Variants in STXBP4 observed in about 807,000 individuals in gnomAD.
The protein encoded by STXBP4 is syntaxin binding protein 4, also known as syntaxin-binding protein 4.
Under a neutral mutation model 76.1 loss-of-function variants are expected in STXBP4, and 55 were observed. The observed-to-expected ratio is 0.72, with a 90% confidence interval of 0.58 to 0.91. STXBP4 has a LOEUF of 0.91. Ranked by LOEUF, STXBP4 falls within the 40% of genes least tolerant of loss-of-function variation. STXBP4 has a pLI of 0.00. For synonymous variants in STXBP4, 201 were observed against 220.2 expected (o/e 0.91, Z 0.77); for missense variants, 618 against 636.9 (o/e 0.97, Z 0.32).
At chr17:55,053,001 G>T (rs1179108218) in intron 12 of STXBP4, among the ~76,000 whole-genome samples, 1 of 116,030 alleles carries the variant, frequency 8.6e-6, no homozygotes, top group East Asian at 2.5e-4. Context: ...AAAAAAAAAG[G>T]TAATAAAAGT....
Position 55,043,336 on chromosome 17 carries a change from A to G in STXBP4, c.945+11A>G. ...GTAAATACACTTAAGGTAACCTCTA[A>G]TTTAGTTTCCTTATGTTTTCTTCAG... is the stretch of plus-strand genomic sequence containing the variant. On this transcript the variant is annotated intron_variant, in intron 11 of 17. Coordinates refer to ENST00000376352, the MANE Select transcript of STXBP4 (RefSeq NM_178509.6). The G allele has an allele frequency of 7.1e-7, 1 of 1,410,208 alleles. No homozygotes were observed. Among genetic ancestry groups the G allele is most frequent in the Non-Finnish European group, 9.5e-7 (1 of 1,053,648 alleles). 87.4% of individuals were successfully genotyped at this position (1,410,208 alleles called of 1,614,324 possible).
chr17:55,042,596 A>G (rs765212946), intron 10 of STXBP4, among the ~76,000 whole-genome samples: 5 of 152,028 alleles, frequency 3.3e-5, no homozygotes, highest in Non-Finnish European at 7.4e-5. Context: ...TGATTAGACT[A>G]TCATTGTTTT....
intron 12 of STXBP4, among the ~76,000 whole-genome samples, chr17:55,061,155 G>GT (rs1796095253): frequency 6.6e-6 from 1 of 152,158 alleles, no homozygotes; most frequent in Non-Finnish European, 1.5e-5. Context: ...CATGAATCAA[G>GT]TAACAGCTAG....
intron 16 of STXBP4, among the ~76,000 whole-genome samples, chr17:55,129,149 C>G (rs1293348386): frequency 6.6e-6 from 1 of 151,210 alleles, no homozygotes; most frequent in African/African-American, 2.4e-5. Context: ...AGGATGGTCT[C>G]GATCTCTTCA....
At chr17:55,194,324 G>T in the STXBP4 span, among the ~76,000 whole-genome samples, 1 of 151,946 alleles carries the variant, frequency 6.6e-6, no homozygotes, top group Non-Finnish European at 1.5e-5. Context: ...AAAATAGTAG[G>T]CATTCTTATT....
At chr17:55,109,914 C>T (rs763847195) in intron 16 of STXBP4, among the ~76,000 whole-genome samples, 23 of 152,134 alleles carry the variant, frequency 1.5e-4, no homozygotes, top group Non-Finnish European at 2.9e-4. Flanking sequence ...GCTGGGATTA[C>T]AGGTGTGAGC....
At chr17:55,074,670 A>C (rs2079159001) in intron 13 of STXBP4, among the ~76,000 whole-genome samples, 1 of 152,150 alleles carries the variant, frequency 6.6e-6, no homozygotes, top group East Asian at 1.9e-4. Flanking sequence ...TCCAGCTCTT[A>C]ACTGAGAAAC....
At chr17:55,064,022 G>T (rs969066800) in intron 12 of STXBP4, among the ~76,000 whole-genome samples, 4 of 152,172 alleles carry the variant, frequency 2.6e-5, no homozygotes, top group Non-Finnish European at 5.9e-5. Flanking sequence ...TTTACTATGT[G>T]AGAAACACTT....
chr17:55,050,980 T>C (rs1207316633), intron 12 of STXBP4, among the ~76,000 whole-genome samples: 2 of 152,142 alleles, frequency 1.3e-5, no homozygotes, highest in Non-Finnish European at 2.9e-5. Context: ...AATGGTATTC[T>C]TAGAGAGGTG....
intron 17 of STXBP4, among the ~76,000 whole-genome samples, chr17:55,154,266 C>A (rs754489662): frequency 2.6e-5 from 4 of 152,168 alleles, no homozygotes; most frequent in Non-Finnish European, 4.4e-5. Flanking sequence ...AACATCAATT[C>A]TGTTACCTTC....
chr17:55,129,207 C>T (rs913180680), intron 16 of STXBP4, among the ~76,000 whole-genome samples: 3 of 152,060 alleles, frequency 2.0e-5, no homozygotes, highest in Non-Finnish European at 2.9e-5. Context: ...GGATTATAGG[C>T]GTGAGCCACC....
chr17:55,109,095 T>C (rs2079676035), intron 16 of STXBP4, among the ~76,000 whole-genome samples: 1 of 152,240 alleles, frequency 6.6e-6, no homozygotes, highest in Admixed American at 6.5e-5. Flanking sequence ...TGTAATTATT[T>C]ATGAATTAGG....
intron 11 of STXBP4, chr17:55,043,531 G>A (rs976192747): frequency 8.2e-6 from 10 of 1,214,332 alleles, no homozygotes; most frequent in Middle Eastern, 1.9e-4. Flanking sequence ...CAATATCTGT[G>A]CAACATTTAG....
At chr17:55,185,275 CCTT>C in the STXBP4 span, among the ~76,000 whole-genome samples, 313 of 48,644 alleles carry the variant, frequency 6.4e-3, 14 homozygotes, top group African/African-American at 0.026. Context: ...TTCTCCTTCT[CCTT>C]CTCCTTCTCC....
chr17:54,981,516 G>C lies in STXBP4; in HGVS notation c.-156-4098G>C, dbSNP rs1053375668. Among the ~76,000 whole-genome samples, 2 of 152,022 alleles carry C rather than the reference G, an allele frequency of 1.3e-5. 1 individual carries two copies. The highest frequency in any genetic ancestry group is 4.1e-4 in the South Asian group (2 of 4,826). On this transcript the variant is annotated intron_variant, in intron 1 of 17. Transcript: ENST00000376352. ...ATAAATGTAGTTGAGACAATGGGGT[G>C]GTCTTCTTGGGAAAAATATGAGTTG...
Position 55,159,896 on chromosome 17 carries a change from CA to C in STXBP4, c.1649del (p.Asn550ThrfsTer9), listed in dbSNP as rs751649064. 7 of 1,611,848 alleles carry C rather than the reference CA, an allele frequency of 4.3e-6. No individual in the cohort carries two copies. Among genetic ancestry groups the C allele is most frequent in the Non-Finnish European group, 8.5e-7 (1 of 1,178,320 alleles). On this transcript the variant is annotated frameshift_variant, in exon 18 of 18. Coordinates refer to ENST00000376352, the MANE Select transcript of STXBP4 (RefSeq NM_178509.6). LOFTEE classifies it high-confidence loss of function. ...NEEDCSRELP[N>X]QKS ...AAGAGGATTGCTCTAGAGAACTCCC[CA>C]ACCAGAAAAGTTGATGGTTTTCCTT...
intron 13 of STXBP4, among the ~76,000 whole-genome samples, chr17:55,075,638 T>C (rs1301962548): frequency 7.9e-5 from 12 of 152,190 alleles, no homozygotes; most frequent in Non-Finnish European, 2.9e-5. Context: ...CCACCAGTAA[T>C]GAATAAGAAT....
rs138923734 is a variant in STXBP4, at chr17:55,070,031, A to G, written c.1012-2869A>G. ...TAATGACCACATCATAAGCTCATCC[A>G]GGACTGGGCACTGATAATATTGTCA... On this transcript the variant is annotated intron_variant, in intron 12 of 17. Transcript: ENST00000376352. Among the ~76,000 whole-genome samples, 506 of 152,212 alleles carry G rather than the reference A, an allele frequency of 3.3e-3. 2 individuals carry two copies. Among genetic ancestry groups the G allele is most frequent in the African/African-American group, 0.011 (471 of 41,542 alleles).
intron 16 of STXBP4, among the ~76,000 whole-genome samples, chr17:55,083,500 A>G (rs1030807012): frequency 1.1e-4 from 17 of 152,190 alleles, no homozygotes; most frequent in African/African-American, 4.1e-4. Context: ...GCTGCAGAAC[A>G]AATCAACCCA....
Sources: allele counts gnomAD v4.1 joint callset (sites outside exome capture counted in the v4.1 genomes callset), GRCh38; gene constraint gnomAD v4.1.1; transcripts MANE v1.5; gene names NCBI Gene and HGNC (gene_info 2026-07-23, HGNC 2026-07-21).